Variants in TAFA1 observed in about 807,000 individuals in gnomAD.
TAFA1 encodes TAFA chemokine like family member 1, also known as chemokine-like protein TAFA-1.
Under a neutral mutation model 18.5 loss-of-function variants are expected in TAFA1, and 4 were observed. The observed-to-expected ratio is 0.22, with a 90% CI of 0.11 to 0.49. The LOEUF (loss-of-function observed/expected upper bound fraction) is 0.49, where lower values mean the gene tolerates loss of function less well. Ranked by LOEUF, TAFA1 falls within the 20% of genes least tolerant of loss-of-function variation. TAFA1 has a pLI of 0.98. For missense variants in TAFA1, 147 were observed against 169.0 expected (o/e 0.87, Z 0.72); for synonymous variants, 56 against 55.2 (o/e 1.01, Z -0.06).
intron 2 of TAFA1, among the ~76,000 whole-genome samples, chr3:68,131,865 A>C (rs919253740): frequency 9.6e-6 from 1 of 104,176 alleles, no homozygotes; most frequent in African/African-American, 3.9e-5. Flanking sequence ...ATGATCATAG[A>C]AACTCCCTAT....
At chr3:68,274,440 A>G (rs2067750186) in intron 2 of TAFA1, among the ~76,000 whole-genome samples, 1 of 152,186 alleles carries the variant, frequency 6.6e-6, no homozygotes, top group Admixed American at 6.5e-5. Flanking sequence ...AGAAAAGCCA[A>G]AGTTCATTTC....
At chr3:68,199,237 A>G (rs2066446373) in intron 2 of TAFA1, among the ~76,000 whole-genome samples, 1 of 151,570 alleles carries the variant, frequency 6.6e-6, no homozygotes, top group African/African-American at 2.4e-5. Context: ...CTTTTTACCA[A>G]TACCACACTG....
At chr3:68,375,562 T>C (rs1259792768) in intron 2 of TAFA1, among the ~76,000 whole-genome samples, 2 of 152,166 alleles carry the variant, frequency 1.3e-5, no homozygotes, top group African/African-American at 4.8e-5. Context: ...CTGGGAAAAG[T>C]CAATATCAGA....
At chr3:68,118,891 G>T (rs1458350212) in intron 2 of TAFA1, among the ~76,000 whole-genome samples, 1 of 115,656 alleles carries the variant, frequency 8.6e-6, no homozygotes, top group Admixed American at 8.2e-5. Context: ...TATATACACA[G>T]AAATGGAATT....
intron 2 of TAFA1, among the ~76,000 whole-genome samples, chr3:68,277,171 C>A (rs562243269): frequency 6.6e-6 from 1 of 152,172 alleles, no homozygotes; most frequent in South Asian, 2.1e-4. Context: ...AATGTGTATT[C>A]CACCTTTATT....
At chr3:68,058,129 A>G (rs2064558336) in intron 2 of TAFA1, among the ~76,000 whole-genome samples, 2 of 152,190 alleles carry the variant, frequency 1.3e-5, no homozygotes, top group African/African-American at 4.8e-5. Context: ...TTCTGCTGGA[A>G]CTATAGTATA....
At chr3:68,213,301 G>A (rs1006011814) in intron 2 of TAFA1, among the ~76,000 whole-genome samples, 1 of 152,070 alleles carries the variant, frequency 6.6e-6, no homozygotes, top group African/African-American at 2.4e-5. Flanking sequence ...TTAAGACATA[G>A]CACCCAGATC....
At chr3:68,132,828 C>T (rs917362047) in intron 2 of TAFA1, among the ~76,000 whole-genome samples, 9 of 151,396 alleles carry the variant, frequency 5.9e-5, no homozygotes, top group African/African-American at 1.7e-4. Context: ...CTGTAGGTCA[C>T]CTGTTCATGC....
chr3:68,495,028 A>G (rs1312133365), intron 3 of TAFA1, among the ~76,000 whole-genome samples: 1 of 152,182 alleles, frequency 6.6e-6, no homozygotes, highest in Admixed American at 6.5e-5. Context: ...AAAAGAAAAG[A>G]AAACAACAGA....
intron 2 of TAFA1, among the ~76,000 whole-genome samples, chr3:68,147,642 G>A (rs1320767332): frequency 2.0e-5 from 3 of 152,078 alleles, no homozygotes; most frequent in African/African-American, 2.4e-5. Flanking sequence ...GTCTACCACC[G>A]GCTCCAACCA....
intron 3 of TAFA1, among the ~76,000 whole-genome samples, chr3:68,457,264 A>G (rs1263599356): frequency 3.3e-5 from 5 of 152,198 alleles, no homozygotes; most frequent in African/African-American, 7.2e-5. Flanking sequence ...GGCTCCATGT[A>G]TGGCCTGTAA....
chr3:68,079,536 G>T lies in TAFA1; in HGVS notation c.118+72792G>T, dbSNP rs368281288. On this transcript the variant is annotated intron_variant, in intron 2 of 4. Transcript: ENST00000478136. ...TGTCTTTGTTCTCGTTGGTTTCAAAGAACATCTTTATTTCTGCCTTCATTT... is the reference window on the plus strand; with the variant it reads ...TGTCTTTGTTCTCGTTGGTTTCAAATAACATCTTTATTTCTGCCTTCATTT... 1.1e-4 allele frequency among the ~76,000 whole-genome samples: 16 copies of T among 152,202 alleles called. No individual in the cohort carries two copies. In the East Asian group the frequency reaches 1.7e-3, roughly 17 times the overall value.
At chr3:68,073,741 C>T (rs954174408) in intron 2 of TAFA1, among the ~76,000 whole-genome samples, 1 of 152,068 alleles carries the variant, frequency 6.6e-6, no homozygotes, top group African/African-American at 2.4e-5. Flanking sequence ...GCAGCAGCCA[C>T]AGCAGTGGTA....
chr3:68,004,929 T>G (rs1188011199), intron 1 of TAFA1, among the ~76,000 whole-genome samples: 1 of 152,150 alleles, frequency 6.6e-6, no homozygotes, highest in Non-Finnish European at 1.5e-5. Flanking sequence ...ATTGCAAGCA[T>G]AAAATCACAG....
At chr3:68,427,679 C>T (rs1356231086) in intron 3 of TAFA1, among the ~76,000 whole-genome samples, 1 of 151,786 alleles carries the variant, frequency 6.6e-6, no homozygotes, top group African/African-American at 2.4e-5. Context: ...GTTCAAACAA[C>T]AAGATATGAA....
chr3:68,160,958 AATGCAAAT>A (rs2065918339), intron 2 of TAFA1, among the ~76,000 whole-genome samples: 1 of 151,218 alleles, frequency 6.6e-6, no homozygotes, highest in African/African-American at 2.4e-5. Context: ...AGTGGGTCAA[AATGCAAAT>A]ACCCAGGGCG....
Position 68,307,284 on chromosome 3 carries a change from T to C in TAFA1, c.119-109996T>C, listed in dbSNP as rs77826024. 2.3e-3 allele frequency among the ~76,000 whole-genome samples: 350 copies of C among 152,330 alleles called. 4 individuals carry two copies. In the East Asian group the frequency reaches 0.034, roughly 15 times the overall value. Reference sequence around the variant, plus strand: ...TCATTTTTCGAAAGTTGGAAATTATTTTATTAACTTAAATAAGAATTATTT... The same window carrying C: ...TCATTTTTCGAAAGTTGGAAATTATCTTATTAACTTAAATAAGAATTATTT... On this transcript the variant is annotated intron_variant, in intron 2 of 4. Coordinates refer to ENST00000478136, the MANE Select transcript of TAFA1 (RefSeq NM_213609.4).
At chr3:68,527,338 G>C (rs2073123683) in intron 3 of TAFA1, among the ~76,000 whole-genome samples, 1 of 152,104 alleles carries the variant, frequency 6.6e-6, no homozygotes, top group Non-Finnish European at 1.5e-5. Flanking sequence ...CTTGTCACCA[G>C]AGCATACAGC....
At chr3:68,213,422 A>G (rs138701236) in intron 2 of TAFA1, among the ~76,000 whole-genome samples, 1 of 152,164 alleles carries the variant, frequency 6.6e-6, no homozygotes, top group East Asian at 1.9e-4. Context: ...AAAAATCTCA[A>G]AAGAGAGCTC....
Sources: allele counts gnomAD v4.1 joint callset (sites outside exome capture counted in the v4.1 genomes callset), GRCh38; gene constraint gnomAD v4.1.1; transcripts MANE v1.5; gene names NCBI Gene and HGNC (gene_info 2026-07-23, HGNC 2026-07-21).